The following ZNF445 variants were observed in gnomAD, a reference collection of about 807,000 sequenced individuals.
The protein encoded by ZNF445 is zinc finger protein 168.
In ZNF445, 19 loss-of-function variants were observed where a neutral mutation model predicts 93.9. That is an observed-to-expected ratio of 0.20 (90% CI 0.14 to 0.30). The LOEUF is 0.30. ZNF445 is among the 10% of genes least tolerant of loss of function. The probability of loss-of-function intolerance (pLI) is 1.00; values close to 1 mark genes in which losing one functional copy is unlikely to be tolerated. For synonymous variants in ZNF445, 449 were observed against 446.3 expected, an observed-to-expected ratio of 1.01 and a Z score of -0.08; for missense variants, 1,058 against 1,259.4, an observed-to-expected ratio of 0.84 and a Z score of 2.42.
intron 1 of ZNF445, among the ~76,000 whole-genome samples, chr3:44,472,349 T>TC (rs1020243773): frequency 1.3e-5 from 2 of 152,252 alleles, no homozygotes; most frequent in East Asian, 1.9e-4. Flanking sequence ...GACTTTTTTT[T>TC]CCCCCCTACA....
chr3:44,447,272 CT>C lies in ZNF445; in HGVS notation c.2398del (p.Arg800AspfsTer57). On this transcript the variant is annotated frameshift_variant, in exon 8 of 8. Transcript: ENST00000396077. LOFTEE classifies it high-confidence loss of function. The surrounding 1 kb of genome is among the most constrained non-coding windows in gnomAD (Gnocchi z 4.7). Reference sequence around the variant, plus strand: ...ATGTCGGTAGAGATTGGAACTCCATCTGAAGGCTTTCCCACACTCCCTGCAC... The same window carrying C: ...ATGTCGGTAGAGATTGGAACTCCATCGAAGGCTTTCCCACACTCCCTGCAC... ...YKCRECGKAFRWSSNLYRHQR... is the reference protein window; with the variant it reads ...YKCRECGKAFXWSSNLYRHQR... 6.2e-7 allele frequency: 1 copy of C among 1,614,118 alleles called. No homozygotes were observed. The highest frequency in any genetic ancestry group is 8.5e-7 in the Non-Finnish European group (1 of 1,180,026).
chr3:44,476,571 C>T (rs1698360116), intron 1 of ZNF445, among the ~76,000 whole-genome samples: 1 of 152,106 alleles, frequency 6.6e-6, no homozygotes, highest in South Asian at 2.1e-4. Flanking sequence ...TGCAAAACAA[C>T]CAACCTAATA....
chr3:44,460,008 C>A (rs1698087437), intron 1 of ZNF445, among the ~76,000 whole-genome samples: 1 of 152,074 alleles, frequency 6.6e-6, no homozygotes, highest in African/African-American at 2.4e-5. Context: ...TCAAGACCAG[C>A]TTGGGCAACA....
At chr3:44,456,936 T>G (rs1244023526) in intron 2 of ZNF445, among the ~76,000 whole-genome samples, 1 of 152,212 alleles carries the variant, frequency 6.6e-6, no homozygotes, top group Non-Finnish European at 1.5e-5. Context: ...GAGAACAGCC[T>G]GGCCAACATG....
intron 1 of ZNF445, among the ~76,000 whole-genome samples, chr3:44,476,453 GCACACACATGCATGCACA>G (rs1698355905): frequency 6.6e-6 from 1 of 151,284 alleles, no homozygotes. Context: ...CCCTGAATAT[GCACACACATGCATGCACA>G]CACACACACG....
chr3:44,456,710 CA>C (rs1194894678), intron 2 of ZNF445, among the ~76,000 whole-genome samples: 1 of 152,046 alleles, frequency 6.6e-6, no homozygotes, highest in Non-Finnish European at 1.5e-5. Context: ...AAAACAAAAA[CA>C]AAAAAATCCT....
rs571757221 is a variant in ZNF445, at chr3:44,442,863, A to T, written c.*3712T>A. 6.6e-6 allele frequency: 1 copy of T among 152,226 alleles called. No homozygotes were observed. Among genetic ancestry groups the T allele is most frequent in the South Asian group, 2.1e-4 (1 of 4,816 alleles). The allele number at this position is 152,226 out of a possible 1,614,324, so 9.4% of individuals were successfully genotyped here. Reference sequence around the variant, plus strand: ...CAACATTTCACCCCACAGCCCCTTAAAAAAAACCCAACCCTGACTCAGCCA... The same window carrying T: ...CAACATTTCACCCCACAGCCCCTTATAAAAAACCCAACCCTGACTCAGCCA... On this transcript the variant is annotated 3_prime_UTR_variant, in exon 8 of 8. Coordinates refer to ENST00000396077, the MANE Select transcript of ZNF445 (RefSeq NM_181489.6).
intron 7 of ZNF445, 36 bp downstream of exon 7, chr3:44,449,477 G>A: frequency 2.0e-6 from 3 of 1,498,658 alleles, no homozygotes; most frequent in South Asian, 1.1e-5. Context: ...AGTAAAAGCA[G>A]GAGGAGCAGG....
In ZNF445 at chr3:44,442,126, C is replaced by T. The variant is rs1437339245; in HGVS notation, c.*4449G>A. On this transcript the variant is annotated 3_prime_UTR_variant, in exon 8 of 8. Coordinates refer to ENST00000396077, the MANE Select transcript of ZNF445 (RefSeq NM_181489.6). ...ATGCTTAACTTTACACTAAGGGTACCTTGTATGTAGCTTCACCAACTTTCT... is the reference window on the plus strand; with the variant it reads ...ATGCTTAACTTTACACTAAGGGTACTTTGTATGTAGCTTCACCAACTTTCT... 1.3e-5 allele frequency: 2 copies of T among 152,148 alleles called. No individual in the cohort carries two copies. Among genetic ancestry groups the T allele is most frequent in the Non-Finnish European group, 2.9e-5 (2 of 68,046 alleles). The allele number at this position is 152,148 out of a possible 1,614,324, so 9.4% of individuals were successfully genotyped here.
In ZNF445 at chr3:44,446,902, C is replaced by T; in HGVS notation, c.2769G>A (p.Gln923=). Residue 923 remains glutamine, a synonymous_variant, in exon 8 of 8, where the codon CAG becomes CAA. Transcript: ENST00000396077. This position sits in a 1 kb window ranked among gnomAD's most constrained non-coding sequence, Gnocchi z 4.2. ...ACCGTGCAGGCGGGCTACGTTCAGC[C>T]TGTGCTGCTCTGGTGTGTTTCCTCT... ...SHQRKHTRAA[Q]AERSPPARSS... 6.2e-7 allele frequency: 1 copy of T among 1,614,208 alleles called. No homozygotes were observed. Among genetic ancestry groups the T allele is most frequent in the Non-Finnish European group, 8.5e-7 (1 of 1,180,038 alleles).
Position 44,448,111 on chromosome 3 carries a change from T to C in ZNF445, c.1560A>G (p.Lys520=), listed in dbSNP as rs1412197011. Residue 520 remains lysine, a synonymous_variant, in exon 8 of 8, where the codon AAA becomes AAG. Transcript: ENST00000396077. ...EKAFKCRVCG[K]AFRWSSNCAR... is the part of the protein sequence containing the mutation. Reference sequence around the variant, plus strand: ...CACAGTTGGAACTCCACCGGAAGGCTTTCCCACACACCCTACATTTAAATG... The same window carrying C: ...CACAGTTGGAACTCCACCGGAAGGCCTTCCCACACACCCTACATTTAAATG... 3.1e-6 allele frequency: 5 copies of C among 1,613,990 alleles called. No homozygotes were observed. In the South Asian group the frequency reaches 5.5e-5, roughly 18 times the overall value.
rs1459041107 is a variant in ZNF445 at position 44,445,034 on chromosome 3, T to G, written c.*1541A>C. 1.3e-5 allele frequency: 2 copies of G among 152,222 alleles called. No individual in the cohort carries two copies. The highest frequency in any genetic ancestry group is 4.8e-5 in the African/African-American group (2 of 41,454). The allele number at this position is 152,222 out of a possible 1,614,324, so 9.4% of individuals were successfully genotyped here. On this transcript the variant is annotated 3_prime_UTR_variant, in exon 8 of 8. Coordinates refer to ENST00000396077, the MANE Select transcript of ZNF445 (RefSeq NM_181489.6). ...GCTTCAACACAAGTGGGTGGGCCAG[T>G]GAGGGAGCTCCTCCCAGAACAGGCT...
rs1027277516 is a variant in ZNF445 at position 44,440,485 on chromosome 3, C to T, written c.*6090G>A. 6.6e-6 allele frequency: 1 copy of T among 152,024 alleles called. No homozygotes were observed. The highest frequency in any genetic ancestry group is 1.5e-5 in the Non-Finnish European group (1 of 68,014). 9.4% of individuals were successfully genotyped at this position (152,024 alleles called of 1,614,324 possible). On this transcript the variant is annotated 3_prime_UTR_variant, in exon 8 of 8. Transcript: ENST00000396077. ...TAAAGTGCATGTCTTGGTGACTGTG[C>T]GTCAGTATATAGAGAACATCCTCAT...
rs1430381366 is a variant in ZNF445, at chr3:44,444,534, CT to C, written c.*2040del. The C allele has an allele frequency of 6.6e-6, 1 of 152,296 alleles. No homozygotes were observed. Among genetic ancestry groups the C allele is most frequent in the African/African-American group, 2.4e-5 (1 of 41,464 alleles). The allele number at this position is 152,296 out of a possible 1,614,324, so 9.4% of individuals were successfully genotyped here. On this transcript the variant is annotated 3_prime_UTR_variant, in exon 8 of 8. Coordinates refer to ENST00000396077, the MANE Select transcript of ZNF445 (RefSeq NM_181489.6). ...GACCCTTCCTATGACTCTGGCCCCC[CT>C]GCCCAGCCACTTCTAGTGCCAGTTT...
At chr3:44,456,835 C>G (rs565182205) in intron 2 of ZNF445, among the ~76,000 whole-genome samples, 1 of 152,286 alleles carries the variant, frequency 6.6e-6, no homozygotes, top group African/African-American at 2.4e-5. Flanking sequence ...TATAATTCAT[C>G]ATAAAATGTG....
Position 44,447,454 on chromosome 3 carries a change from G to A in ZNF445, c.2217C>T (p.Gly739=), listed in dbSNP as rs374111571. 7.3e-5 allele frequency: 118 copies of A among 1,614,122 alleles called. No individual in the cohort carries two copies. Among genetic ancestry groups the A allele is most frequent in the African/African-American group, 2.9e-4 (22 of 75,030 alleles). ...KKHAMKRKPE[G]GPSFSQDTVF... is the part of the protein sequence containing the mutation. ...CTGTGTCCTGACTAAAAGATGGCCCGCCCTCAGGTTTTCTTTTCATGGCAT... is the reference window on the plus strand; with the variant it reads ...CTGTGTCCTGACTAAAAGATGGCCCACCCTCAGGTTTTCTTTTCATGGCAT... Residue 739 remains glycine, a synonymous_variant, in exon 8 of 8, where the codon GGC becomes GGT. Coordinates refer to ENST00000396077, the MANE Select transcript of ZNF445 (RefSeq NM_181489.6). The surrounding 1 kb of genome is among the most constrained non-coding windows in gnomAD (Gnocchi z 4.7).
At position 44,455,148 on chromosome 3, in the gene ZNF445, C is replaced by T. The variant is rs1329247850; in HGVS notation, c.402G>A (p.Gln134=). Residue 134 remains glutamine (Q), a synonymous_variant, in exon 3 of 8, where the codon CAG becomes CAA. Coordinates refer to ENST00000396077, the MANE Select transcript of ZNF445 (RefSeq NM_181489.6). The part of the protein sequence containing the change: ...EEAVALLEEL[Q]RDLDGTSWRD... ...TCCAGGATGTCCCATCAAGGTCCCT[C>T]TGCAGCTCCTCCAGCAAGGCCACAG... 18 of 1,614,196 alleles carry T rather than the reference C, an allele frequency of 1.1e-5. No homozygotes were observed. The highest frequency in any genetic ancestry group is 1.4e-5 in the Non-Finnish European group (17 of 1,180,032).
chr3:44,448,739 C>T lies in ZNF445; in HGVS notation c.932G>A (p.Gly311Glu). The stretch of plus-strand genomic sequence containing the variant: ...GTTTGTTTTACTCTGGAGGTCATCT[C>T]CTGACAAAAAATATAACACAAGAGA... ...PKGNPVAAPT[G>E]DDLQSKTNKF... is the part of the protein sequence containing the mutation. Residue 311 changes from glycine to glutamate, a missense_variant and splice_region_variant, in exon 8 of 8, where the codon GGA (glycine) becomes GAA (glutamate). Physicochemically the swap from Gly to Glu is moderately conservative, Grantham distance 98. Around this residue, in one of 3 missense-constraint regions of ZNF445, gnomAD observed 657 missense variants for 746.4 expected, o/e 0.88. Coordinates refer to ENST00000396077, the MANE Select transcript of ZNF445 (RefSeq NM_181489.6). 6.2e-7 allele frequency: 1 copy of T among 1,605,750 alleles called. No homozygotes were observed. Among genetic ancestry groups the T allele is most frequent in the Non-Finnish European group, 8.5e-7 (1 of 1,177,582 alleles).
intron 1 of ZNF445, among the ~76,000 whole-genome samples, chr3:44,458,815 G>A (rs1006890556): frequency 3.3e-5 from 5 of 151,954 alleles, no homozygotes; most frequent in East Asian, 3.9e-4. Flanking sequence ...CTATTGTATC[G>A]GATTGTAGGT....
Sources: gnomAD v4.1 joint callset for allele counts (sites outside exome capture counted in the v4.1 genomes callset) on GRCh38, gnomAD v4.1.1 for gene constraint, gnomAD v4.1.1 regional missense constraint, Gnocchi (gnomAD v3.1) non-coding constraint, MANE v1.5 for transcripts, NCBI Gene and HGNC (gene_info 2026-07-23, HGNC 2026-07-21) for gene names.